Variants in CMIP observed in about 807,000 individuals in gnomAD.
The protein encoded by CMIP is C-Maf-inducing protein.
In CMIP, 13 loss-of-function variants were observed where a neutral mutation model predicts 97.3. The ratio of observed to expected loss-of-function variants is 0.13; its 90% confidence interval spans 0.09 to 0.21. The LOEUF (loss-of-function observed/expected upper bound fraction) is 0.21, where lower values mean the gene tolerates loss of function less well. Among genes scored for constraint, CMIP ranks in the 10% least tolerant of loss-of-function variants. The probability of loss-of-function intolerance (pLI) is 1.00; values close to 1 mark genes in which losing one functional copy is unlikely to be tolerated. For synonymous variants in CMIP, 538 were observed against 436.3 expected, an observed-to-expected ratio of 1.23 and a Z score of -2.91; for missense variants, 847 against 1,024.9, an observed-to-expected ratio of 0.83 and a Z score of 2.37.
rs951855156 is a variant in CMIP, at chr16:81,710,142, C to T, written c.*343C>T. 13 of 317,096 alleles carry T rather than the reference C, an allele frequency of 4.1e-5. No homozygotes were observed. Among genetic ancestry groups the T allele is most frequent in the African/African-American group, 1.9e-4 (9 of 47,126 alleles). The allele number at this position is 317,096 out of a possible 1,614,324, so 19.6% of individuals were successfully genotyped here. On this transcript the variant is annotated 3_prime_UTR_variant, in exon 21 of 21. Transcript: ENST00000537098. ...TCTTTGCCTTTGTGTTTGATGCCGT[C>T]GTGTGGGAAAAGTCAACTCCGATGC...
intron 1 of CMIP, among the ~76,000 whole-genome samples, chr16:81,522,792 G>C (rs2150809262): frequency 6.6e-6 from 1 of 152,044 alleles, no homozygotes; most frequent in Non-Finnish European, 1.5e-5. Flanking sequence ...ATAATTACTT[G>C]ACATTCACCT....
rs1453463153 is a variant in CMIP at position 81,652,885 on chromosome 16, G to A, written c.639+521G>A. On this transcript the variant is annotated intron_variant, in intron 4 of 20. Transcript: ENST00000537098. The surrounding 1 kb of genome is among the most constrained non-coding windows in gnomAD (Gnocchi z 5.2). ...GTCGGCTGGGCCTCCTGTGCCATCT[G>A]CTTTGCTGGCCTCCTCGCATATTGA... Among the ~76,000 whole-genome samples, 1 of 152,148 alleles carries A rather than the reference G, an allele frequency of 6.6e-6. No homozygotes were observed. Among genetic ancestry groups the A allele is most frequent in the Admixed American group, 6.5e-5 (1 of 15,278 alleles).
intron 3 of CMIP, chr16:81,631,550 C>T (rs2092159252): frequency 1.3e-5 from 2 of 152,278 alleles, no homozygotes; most frequent in Non-Finnish European, 2.9e-5. Context: ...TCTAGCAGCA[C>T]AGGTGAGCTT....
At chr16:81,691,903 A>T in intron 11 of CMIP, 63 bp downstream of exon 11, 1 of 1,404,566 alleles carries the variant, frequency 7.1e-7, no homozygotes, top group Non-Finnish European at 1.0e-6. Context: ...TTGTCCACCA[A>T]GGCCTTAGTG....
chr16:81,633,756 G>A (rs141133138), intron 3 of CMIP, among the ~76,000 whole-genome samples: 249 of 152,344 alleles, frequency 1.6e-3, no homozygotes, highest in Non-Finnish European at 3.0e-3. Context: ...TCCAGCGGGG[G>A]CTGGCACATG....
At chr16:81,700,949 G>A (rs1490923587) in intron 15 of CMIP, among the ~76,000 whole-genome samples, 1 of 152,154 alleles carries the variant, frequency 6.6e-6, no homozygotes, top group Non-Finnish European at 1.5e-5. Context: ...GGCAAGAGGC[G>A]CTGTGAGAAG....
At chr16:81,693,374 C>T (rs1356213309) in intron 12 of CMIP, 65 bp from the exon 13 acceptor site, 2 of 1,575,284 alleles carry the variant, frequency 1.3e-6, no homozygotes, top group Non-Finnish European at 1.7e-6. Context: ...CATCCCCTCC[C>T]CTTCCCACAC....
chr16:81,685,683 TACAGGTGCACACC>T (rs2151070189), intron 10 of CMIP, among the ~76,000 whole-genome samples: 1 of 150,838 alleles, frequency 6.6e-6, no homozygotes, highest in East Asian at 2.0e-4. Context: ...TAGCTGGGAC[TACAGGTGCACACC>T]ACCTGCCTGG....
intron 4 of CMIP, among the ~76,000 whole-genome samples, 187 bp from the exon 5 acceptor site, chr16:81,657,588 C>G (rs143994906): frequency 6.6e-6 from 1 of 152,144 alleles, no homozygotes; most frequent in African/African-American, 2.4e-5. Flanking sequence ...CAAAACCATA[C>G]CTTCTCCCCC....
At chr16:81,696,798 G>T (rs1906779036) in intron 14 of CMIP, 131 bp downstream of exon 14, 2 of 763,654 alleles carry the variant, frequency 2.6e-6, no homozygotes, top group Non-Finnish European at 4.1e-6. Flanking sequence ...TGCTGATCAT[G>T]AAGGTGGTGG....
intron 1 of CMIP, among the ~76,000 whole-genome samples, chr16:81,595,863 G>C (rs1344335380): frequency 6.6e-6 from 1 of 152,062 alleles, no homozygotes; most frequent in Non-Finnish European, 1.5e-5. Flanking sequence ...GCATGTTTTT[G>C]TGTGAACCTA....
intron 9 of CMIP, among the ~76,000 whole-genome samples, chr16:81,673,944 T>A (rs1382456854): frequency 6.6e-6 from 1 of 152,158 alleles, no homozygotes; most frequent in Non-Finnish European, 1.5e-5. Context: ...ATGAAGGCAG[T>A]AGAGCATTCT....
intron 2 of CMIP, chr16:81,610,503 G>C: frequency 1.0e-6 from 1 of 985,596 alleles, no homozygotes; most frequent in Non-Finnish European, 1.2e-6. Flanking sequence ...GGGAGCAGCA[G>C]ACACGGCCTC....
chr16:81,498,680 C>A (rs2089539591), intron 1 of CMIP, among the ~76,000 whole-genome samples: 1 of 152,176 alleles, frequency 6.6e-6, no homozygotes, highest in Non-Finnish European at 1.5e-5. Context: ...GCATACACCC[C>A]ATGGTCCTTG....
At chr16:81,634,776 G>A (rs2092213323) in intron 3 of CMIP, among the ~76,000 whole-genome samples, 1 of 152,186 alleles carries the variant, frequency 6.6e-6, no homozygotes, top group Non-Finnish European at 1.5e-5. Context: ...GTAGGCGCCG[G>A]TGACTCCCAC....
intron 3 of CMIP, among the ~76,000 whole-genome samples, chr16:81,626,511 ATG>A (rs770772362): frequency 7.7e-6 from 1 of 129,318 alleles, no homozygotes; most frequent in East Asian, 2.5e-4. Flanking sequence ...GTGACTGAGC[ATG>A]TGTGTGTGTG....
rs376485313 is a variant in CMIP at position 81,650,478 on chromosome 16, G to C, written c.478-1725G>C. Among the ~76,000 whole-genome samples the C allele has an allele frequency of 3.5e-3, 530 of 152,248 alleles. 27 individuals carry two copies. The South Asian group carries it at 0.11, about 31-fold the overall frequency. Reference sequence around the variant, plus strand: ...GGGAGAGATGACGGGAAAGACTTGGGGTGATGGGCGGGGGGAATGAAAACC... The same window carrying C: ...GGGAGAGATGACGGGAAAGACTTGGCGTGATGGGCGGGGGGAATGAAAACC... On this transcript the variant is annotated intron_variant, in intron 3 of 20. Transcript: ENST00000537098.
chr16:81,518,615 A>G (rs1186932933), intron 1 of CMIP: 2 of 152,298 alleles, frequency 1.3e-5, no homozygotes, highest in Non-Finnish European at 2.9e-5. Context: ...TGCAGTTGGC[A>G]TTAGCATCCT....
chr16:81,700,781 G>T (rs1907308477), intron 15 of CMIP, among the ~76,000 whole-genome samples: 1 of 152,204 alleles, frequency 6.6e-6, no homozygotes, highest in South Asian at 2.1e-4. Flanking sequence ...TGGAACACAG[G>T]GAGCCAAGGG....
Sources: gnomAD v4.1 joint callset for allele counts (sites outside exome capture counted in the v4.1 genomes callset) on GRCh38, gnomAD v4.1.1 for gene constraint, Gnocchi (gnomAD v3.1) non-coding constraint, MANE v1.5 for transcripts, NCBI Gene and HGNC (gene_info 2026-07-23, HGNC 2026-07-21) for gene names.